ACOXL: variants seen among roughly 807,000 people sequenced by gnomAD.
ACOXL encodes the protein acyl-coenzyme A oxidase-like protein.
In ACOXL, 70 loss-of-function variants were observed where a neutral mutation model predicts 71.9. The observed-to-expected ratio is 0.97, with a 90% CI of 0.80 to 1.19. The LOEUF (loss-of-function observed/expected upper bound fraction) is 1.19, where lower values mean the gene tolerates loss of function less well. Among genes scored for constraint, ACOXL ranks in the 50% most tolerant of loss-of-function variants. ACOXL has a pLI of 0.00. For synonymous variants in ACOXL, 253 were observed against 281.6 expected (o/e 0.90, Z 1.02); for missense variants, 703 against 736.3 (o/e 0.95, Z 0.52).
chr2:111,011,249 G>T (rs1316501618), intron 14 of ACOXL, among the ~76,000 whole-genome samples: 1 of 152,014 alleles, frequency 6.6e-6, no homozygotes, highest in Non-Finnish European at 1.5e-5. Context: ...ACTGTTATAG[G>T]TAAAGACTAT....
At chr2:110,966,615 A>G (rs776698900) in intron 12 of ACOXL, among the ~76,000 whole-genome samples, 9 of 152,244 alleles carry the variant, frequency 5.9e-5, no homozygotes, top group Admixed American at 6.5e-5. Flanking sequence ...CTCTTGCCTC[A>G]CCTGACATCA....
chr2:110,867,653 C>T (rs1694771043), intron 10 of ACOXL, among the ~76,000 whole-genome samples: 1 of 152,146 alleles, frequency 6.6e-6, no homozygotes, highest in Non-Finnish European at 1.5e-5. Context: ...CCAATAAGGA[C>T]TTCTTTTGAA....
intron 1 of ACOXL, among the ~76,000 whole-genome samples, chr2:110,747,044 C>T (rs556459339): frequency 6.6e-6 from 1 of 152,276 alleles, no homozygotes; most frequent in East Asian, 1.9e-4. Context: ...AAAGCCCCTA[C>T]CCAACAATCA....
intron 16 of ACOXL, among the ~76,000 whole-genome samples, chr2:111,049,628 T>C (rs1177046303): frequency 1.3e-5 from 2 of 152,226 alleles, no homozygotes; most frequent in Non-Finnish European, 2.9e-5. Flanking sequence ...CATCTCCCAC[T>C]ATATTTTTAA....
At chr2:111,063,935 A>G (rs1188142568) in intron 16 of ACOXL, among the ~76,000 whole-genome samples, 1 of 152,208 alleles carries the variant, frequency 6.6e-6, no homozygotes, top group Non-Finnish European at 1.5e-5. Context: ...AAATGAACGA[A>G]AGAGAGAGAG....
chr2:110,970,114 G>C (rs2062115981), intron 12 of ACOXL, among the ~76,000 whole-genome samples: 1 of 152,054 alleles, frequency 6.6e-6, no homozygotes, highest in Non-Finnish European at 1.5e-5. Flanking sequence ...TAGAAGAGGA[G>C]AGGTACTCCT....
At chr2:110,840,076 A>G (rs1251705476) in intron 9 of ACOXL, among the ~76,000 whole-genome samples, 1 of 151,532 alleles carries the variant, frequency 6.6e-6, no homozygotes, top group African/African-American at 2.4e-5. Context: ...TGCAAGCTCC[A>G]CCTCCCCAGG....
At chr2:111,079,197 T>C (rs1047499107) in intron 16 of ACOXL, among the ~76,000 whole-genome samples, 1 of 152,178 alleles carries the variant, frequency 6.6e-6, no homozygotes, top group Non-Finnish European at 1.5e-5. Flanking sequence ...TTCAGTAGGG[T>C]ATTCATCACC....
chr2:110,855,494 A>G (rs1693119822), intron 10 of ACOXL, among the ~76,000 whole-genome samples: 3 of 152,186 alleles, frequency 2.0e-5, no homozygotes, highest in Admixed American at 2.0e-4. Flanking sequence ...AATGCACCAA[A>G]CAAATCAAAA....
At chr2:110,827,743 T>G (rs1255503231) in intron 9 of ACOXL, among the ~76,000 whole-genome samples, 1 of 151,968 alleles carries the variant, frequency 6.6e-6, no homozygotes. Flanking sequence ...AGGAAGGTGG[T>G]TGGGCATGGG....
intron 12 of ACOXL, among the ~76,000 whole-genome samples, chr2:110,982,848 C>T (rs575458237): frequency 7.9e-5 from 12 of 152,172 alleles, no homozygotes; most frequent in East Asian, 3.8e-4. Context: ...GAGATTTGTG[C>T]GGTGGTACAG....
chr2:111,010,806 A>G (rs567738067), intron 14 of ACOXL, among the ~76,000 whole-genome samples: 27 of 152,312 alleles, frequency 1.8e-4, no homozygotes, highest in Admixed American at 1.5e-3. Flanking sequence ...GTGCTGCTGA[A>G]AGCAAAAAAG....
chr2:111,019,752 C>A (rs1171197041), intron 14 of ACOXL, among the ~76,000 whole-genome samples: 1 of 152,246 alleles, frequency 6.6e-6, no homozygotes, highest in Admixed American at 6.5e-5. Context: ...GAAGAGGCTG[C>A]AGAGATCCTG....
At chr2:110,888,268 A>G (rs1466973110) in intron 10 of ACOXL, among the ~76,000 whole-genome samples, 1 of 152,222 alleles carries the variant, frequency 6.6e-6, no homozygotes, top group Non-Finnish European at 1.5e-5. Context: ...TCAAGTTCCA[A>G]CATGACCTAG....
intron 12 of ACOXL, among the ~76,000 whole-genome samples, chr2:110,958,566 C>T (rs962754089): frequency 9.2e-5 from 14 of 152,218 alleles, no homozygotes; most frequent in African/African-American, 3.4e-4. Flanking sequence ...GGCAGCCTTC[C>T]TGCTCAGCAG....
chr2:110,773,552 C>G (rs1682243446), intron 2 of ACOXL, among the ~76,000 whole-genome samples: 1 of 152,198 alleles, frequency 6.6e-6, no homozygotes, highest in Non-Finnish European at 1.5e-5. Context: ...GACCGCTGTA[C>G]TCCCCCACCC....
At chr2:110,909,769 C>T (rs2059585535) in intron 11 of ACOXL, among the ~76,000 whole-genome samples, 1 of 150,466 alleles carries the variant, frequency 6.6e-6, no homozygotes, top group Non-Finnish European at 1.5e-5. Context: ...GCCCAGGCGT[C>T]GCTGGCATGG....
At chr2:110,797,449 A>T (rs546339405) in intron 5 of ACOXL, among the ~76,000 whole-genome samples, 1 of 152,096 alleles carries the variant, frequency 6.6e-6, no homozygotes, top group East Asian at 1.9e-4. Context: ...GGAAATAGAG[A>T]GACATTTTCA....
At chr2:111,059,015 G>A (rs1574632417) in intron 16 of ACOXL, among the ~76,000 whole-genome samples, 1 of 152,314 alleles carries the variant, frequency 6.6e-6, no homozygotes, top group African/African-American at 2.4e-5. Flanking sequence ...TGAGGAAGAA[G>A]GATCACTTGA....
Sources: allele counts gnomAD v4.1 joint callset (sites outside exome capture counted in the v4.1 genomes callset), GRCh38; gene constraint gnomAD v4.1.1; transcripts MANE v1.5; gene names NCBI Gene and HGNC (gene_info 2026-07-23, HGNC 2026-07-21).